Variants in HYKK observed in about 807,000 individuals in gnomAD.
The protein encoded by HYKK is 5-hydroxy-L-lysine kinase.
In HYKK, 19 loss-of-function variants were observed where a neutral mutation model predicts 29.7. The observed-to-expected ratio is 0.64, with a 90% CI of 0.45 to 0.94. HYKK has a LOEUF of 0.94. HYKK is among the 40% of genes least tolerant of loss of function. HYKK has a pLI of 0.00. For synonymous variants in HYKK, 152 were observed against 158.1 expected (o/e 0.96, Z 0.29); for missense variants, 390 against 443.4 (o/e 0.88, Z 1.08).
chr15:78,537,221 T>G, downstream of HYKK: 1 of 508,738 alleles, frequency 2.0e-6, no homozygotes, highest in Non-Finnish European at 3.7e-6. Context: ...CTATCCATCC[T>G]TCCATCCCAT....
intron 2 of HYKK, among the ~76,000 whole-genome samples, chr15:78,514,314 T>C (rs1270723557): frequency 6.6e-6 from 1 of 152,156 alleles, no homozygotes; most frequent in Non-Finnish European, 1.5e-5. Context: ...GAGACAGCCC[T>C]TTTCACCTCT....
At chr15:78,513,485 C>A in intron 2 of HYKK, 60 bp downstream of exon 2, 1 of 1,230,966 alleles carries the variant, frequency 8.1e-7, no homozygotes. Flanking sequence ...GCATTTTGGC[C>A]ACAAGTAGAA....
At chr15:78,508,652 C>T (rs1320995978) in intron 1 of HYKK, among the ~76,000 whole-genome samples, 2 of 152,068 alleles carry the variant, frequency 1.3e-5, no homozygotes, top group African/African-American at 4.8e-5. Flanking sequence ...CTGAATTCCT[C>T]CTCTCCCTTT....
intron 2 of HYKK, among the ~76,000 whole-genome samples, chr15:78,514,648 T>A (rs993807728): frequency 7.2e-5 from 11 of 152,174 alleles, no homozygotes; most frequent in African/African-American, 2.7e-4. Context: ...GTAAGTAATT[T>A]CTGTGTAGAG....
intron 4 of HYKK, chr15:78,528,479 C>G (rs1332317302): frequency 2.0e-6 from 2 of 985,272 alleles, no homozygotes; most frequent in Non-Finnish European, 2.4e-6. Flanking sequence ...ATATAACCAG[C>G]CTTTTCATCC....
At chr15:78,528,166 G>C (rs1353902109) in intron 4 of HYKK, 1 of 153,702 alleles carries the variant, frequency 6.5e-6, no homozygotes, top group Non-Finnish European at 1.4e-5. Flanking sequence ...TGAGCAGAGG[G>C]AAAGCAAGCA....
intron 3 of HYKK, among the ~76,000 whole-genome samples, chr15:78,517,332 T>C (rs996216018): frequency 6.6e-6 from 1 of 152,126 alleles, no homozygotes; most frequent in Admixed American, 6.5e-5. Context: ...CCCAGCACTT[T>C]GGGAGGCTGA....
intron 4 of HYKK, among the ~76,000 whole-genome samples, chr15:78,532,603 TG>T (rs1237302698): frequency 9.2e-5 from 14 of 152,124 alleles, no homozygotes; most frequent in Non-Finnish European, 2.1e-4. Flanking sequence ...GAGAGCAGCC[TG>T]GCCAACATGG....
chr15:78,526,224 A>G (rs776851228), intron 3 of HYKK, among the ~76,000 whole-genome samples: 1 of 152,238 alleles, frequency 6.6e-6, no homozygotes, highest in African/African-American at 2.4e-5. Flanking sequence ...AGTGCCTTCA[A>G]TGTGCCAGGC....
chr15:78,524,267 C>T (rs1192669605), intron 3 of HYKK, among the ~76,000 whole-genome samples: 1 of 152,264 alleles, frequency 6.6e-6, no homozygotes, highest in African/African-American at 2.4e-5. Context: ...ACTCTGTGCA[C>T]CCACATGCTT....
At chr15:78,509,348 G>A (rs1169412810) in intron 1 of HYKK, among the ~76,000 whole-genome samples, 1 of 152,158 alleles carries the variant, frequency 6.6e-6, no homozygotes, top group Non-Finnish European at 1.5e-5. Flanking sequence ...ACTAAAATAT[G>A]TCCTATTTCT....
At chr15:78,522,236 C>G (rs1386714301) in intron 3 of HYKK, among the ~76,000 whole-genome samples, 1 of 152,048 alleles carries the variant, frequency 6.6e-6, no homozygotes, top group African/African-American at 2.4e-5. Context: ...TCCCACACTC[C>G]AAAAGTAATA....
chr15:78,525,403 G>A (rs1040930296), intron 3 of HYKK, among the ~76,000 whole-genome samples: 7 of 151,938 alleles, frequency 4.6e-5, no homozygotes, highest in Non-Finnish European at 7.4e-5. Flanking sequence ...TGATCTGCCC[G>A]CCTTGGCCTC....
In HYKK at chr15:78,534,245, C is replaced by CTTTTTTTTTTTTTTTTTTTTT; in HGVS notation, c.*577_*597dup. ...ACTTATTTTTGTCTCCTCAGCCCTT[C>CTTTTTTTTTTTTTTTTTTTTT]TTTTTTTTTTTTTTTTTTTTTTGAG... On this transcript the variant is annotated 3_prime_UTR_variant, in exon 5 of 5. Coordinates refer to ENST00000388988, the MANE Select transcript of HYKK (RefSeq NM_001013619.4). The CTTTTTTTTTTTTTTTTTTTTT allele has an allele frequency of 9.5e-6, 1 of 105,592 alleles. No individual in the cohort carries two copies. The highest frequency in any genetic ancestry group is 1.9e-5 in the Non-Finnish European group (1 of 52,852). 6.5% of individuals were successfully genotyped at this position (105,592 alleles called of 1,614,324 possible). A position where few individuals can be genotyped will look rare whatever the true frequency, so the allele number is the denominator to read the frequency against.
At chr15:78,516,913 T>G (rs927947387) in intron 3 of HYKK, among the ~76,000 whole-genome samples, 1 of 151,864 alleles carries the variant, frequency 6.6e-6, no homozygotes, top group African/African-American at 2.4e-5. Context: ...TCCCAGCTAC[T>G]TGGGAGGCTG....
chr15:78,531,804 G>T (rs1644196888), intron 4 of HYKK, among the ~76,000 whole-genome samples: 1 of 151,942 alleles, frequency 6.6e-6, no homozygotes, highest in Admixed American at 6.6e-5. Context: ...GTGGCCAAAG[G>T]GATTACAGGC....
intron 3 of HYKK, among the ~76,000 whole-genome samples, chr15:78,525,831 C>T (rs1285157484): frequency 6.6e-6 from 1 of 152,182 alleles, no homozygotes; most frequent in African/African-American, 2.4e-5. Context: ...CAGAATATGT[C>T]ACATGTAATG....
downstream of HYKK, chr15:78,537,270 A>C (rs1181478851): frequency 1.6e-6 from 1 of 637,904 alleles, no homozygotes. Context: ...ATAATACATA[A>C]ATTAAATATT....
chr15:78,517,127 T>TC (rs1482031391), intron 3 of HYKK, among the ~76,000 whole-genome samples: 2 of 149,178 alleles, frequency 1.3e-5, no homozygotes, highest in Non-Finnish European at 3.0e-5. Flanking sequence ...TTTTTTTTTT[T>TC]TCGAGACAGA....
Sources: gnomAD v4.1 joint callset for allele counts (sites outside exome capture counted in the v4.1 genomes callset) on GRCh38, gnomAD v4.1.1 for gene constraint, MANE v1.5 for transcripts, NCBI Gene and HGNC (gene_info 2026-07-23, HGNC 2026-07-21) for gene names.